The following COL15A1 variants were observed in gnomAD, a reference collection of about 807,000 sequenced individuals.
The protein encoded by COL15A1 is collagen alpha-1(XV) chain.
A neutral mutation model predicts 165.9 loss-of-function variants in COL15A1; 111 were observed. The observed-to-expected ratio is 0.67, with a 90% CI of 0.57 to 0.78. The LOEUF (loss-of-function observed/expected upper bound fraction) is 0.78, where lower values mean the gene tolerates loss of function less well. Among genes scored for constraint, COL15A1 ranks in the 30% least tolerant of loss-of-function variants. The pLI is 0.00. For synonymous variants in COL15A1, 659 were observed against 674.8 expected (o/e 0.98, Z 0.36); for missense variants, 1,745 against 1,789.7 (o/e 0.98, Z 0.45).
intron 36 of COL15A1, 142 bp from the exon 37 acceptor site, chr9:99,061,829 A>G (rs982845013): frequency 3.9e-6 from 3 of 774,022 alleles, no homozygotes; most frequent in Admixed American, 5.5e-5. Context: ...GAAGGTATAT[A>G]CCTCTATCTG....
intron 4 of COL15A1, among the ~76,000 whole-genome samples, chr9:98,987,911 C>T (rs1292701832): frequency 6.6e-6 from 1 of 152,088 alleles, no homozygotes; most frequent in Non-Finnish European, 1.5e-5. Context: ...ACTTCCATAC[C>T]CAAATACAGT....
In COL15A1 at chr9:98,985,614, G is replaced by A. The variant is rs764194365; in HGVS notation, c.150G>A (p.Pro50=). 17 of 1,614,066 alleles carry A rather than the reference G, an allele frequency of 1.1e-5. No homozygotes were observed. The highest frequency in any genetic ancestry group is 2.7e-5 in the African/African-American group (2 of 74,938). ...HLDLTQLIGV[P]LPSSVSFVTG... ...ACCTCACGCAGCTCATCGGTGTCCC[G>A]CTGCCCTCGTCCGTATCCTTTGTCA... is the stretch of plus-strand genomic sequence containing the variant. Residue 50 remains proline, a synonymous_variant, in exon 3 of 42, where the codon CCG becomes CCA. Transcript: ENST00000375001.
intron 28 of COL15A1, among the ~76,000 whole-genome samples, chr9:99,048,648 C>T (rs367973334): frequency 8.1e-4 from 123 of 151,432 alleles, no homozygotes; most frequent in South Asian, 3.3e-3. Flanking sequence ...CCCATTAACT[C>T]GTCATTTAGC....
intron 4 of COL15A1, among the ~76,000 whole-genome samples, chr9:98,987,981 A>C (rs1295376672): frequency 6.6e-6 from 1 of 151,950 alleles, no homozygotes; most frequent in Non-Finnish European, 1.5e-5. Flanking sequence ...CAACGTTGTC[A>C]GGTGGGAGCA....
rs757066128 is a variant in COL15A1, at chr9:99,015,448, C to T, written c.1385C>T (p.Ala462Val). 9 of 1,607,856 alleles carry T rather than the reference C, an allele frequency of 5.6e-6. 1 individual carries two copies. In the African/African-American group the frequency reaches 6.7e-5, roughly 12 times the overall value. Reference protein sequence around the residue: ...GPSSEDSLTTAAAATEVSLST... With the variant: ...GPSSEDSLTTVAAATEVSLST... ...AGCAGTGAAGACAGTTTAACAACAG[C>T]TGCAGCTGCAACCGAAGTGTCCCTC... Residue 462 changes from alanine (A) to valine (V), a missense_variant, in exon 10 of 42, where the codon GCT (alanine) becomes GTT (valine). Physicochemically the swap from Ala to Val is moderately conservative, Grantham distance 64 (BLOSUM62 0). Coordinates refer to ENST00000375001, the MANE Select transcript of COL15A1 (RefSeq NM_001855.5).
intron 9 of COL15A1, among the ~76,000 whole-genome samples, chr9:99,005,822 C>T (rs1838753750): frequency 6.6e-6 from 1 of 152,156 alleles, no homozygotes; most frequent in African/African-American, 2.4e-5. Context: ...TGTCTGGCCT[C>T]CTCCATCCTC....
intron 4 of COL15A1, 97 bp from the exon 5 acceptor site, chr9:98,989,081 G>A (rs1166790934): frequency 9.8e-6 from 8 of 814,938 alleles, no homozygotes; most frequent in Middle Eastern, 3.0e-4. Flanking sequence ...CCCTGTAGGA[G>A]AGTCGGTTTG....
At chr9:99,050,273 A>C (rs972589544) in intron 30 of COL15A1, among the ~76,000 whole-genome samples, 3 of 152,238 alleles carry the variant, frequency 2.0e-5, no homozygotes, top group African/African-American at 7.2e-5. Context: ...AGAACTTTGT[A>C]ACTAACTATG....
chr9:99,043,784 C>T (rs1419756132), intron 24 of COL15A1, among the ~76,000 whole-genome samples: 1 of 152,186 alleles, frequency 6.6e-6, no homozygotes, highest in Non-Finnish European at 1.5e-5. Flanking sequence ...GGGCCAAAGC[C>T]TCAGAGTCAG....
intron 23 of COL15A1, chr9:99,040,767 C>T (rs1012144244): frequency 2.3e-5 from 18 of 778,812 alleles, no homozygotes; most frequent in Admixed American, 8.4e-5. Flanking sequence ...AATCCATCTG[C>T]GTCAGCCTCC....
chr9:98,948,246 T>C (rs936165576), intron 2 of COL15A1, among the ~76,000 whole-genome samples: 1 of 152,124 alleles, frequency 6.6e-6, no homozygotes, highest in African/African-American at 2.4e-5. Flanking sequence ...TCTTCTCATC[T>C]ACCATGCAGA....
At chr9:98,978,155 G>A (rs532871343) in intron 2 of COL15A1, among the ~76,000 whole-genome samples, 6 of 152,330 alleles carry the variant, frequency 3.9e-5, no homozygotes, top group African/African-American at 7.2e-5. Context: ...TAGAAAACAA[G>A]GATGTTGGAT....
chr9:99,050,841 A>G, intron 30 of COL15A1, among the ~76,000 whole-genome samples: 1 of 152,186 alleles, frequency 6.6e-6, no homozygotes, highest in East Asian at 1.9e-4. Flanking sequence ...TAGCCTTCAA[A>G]ATGACGCAGT....
chr9:99,047,909 G>A, intron 27 of COL15A1, 32 bp from the exon 28 acceptor site: 1 of 1,609,780 alleles, frequency 6.2e-7, no homozygotes, highest in East Asian at 2.2e-5. Flanking sequence ...TGTGGGCGGA[G>A]GGTTTACTGA....
intron 2 of COL15A1, among the ~76,000 whole-genome samples, chr9:98,968,867 T>C (rs1837998258): frequency 6.6e-6 from 1 of 152,220 alleles, no homozygotes; most frequent in Admixed American, 6.5e-5. Flanking sequence ...CTGCACTTTA[T>C]TCAAGACAAC....
chr9:99,026,083 C>G, intron 16 of COL15A1, 117 bp downstream of exon 16: 2 of 901,482 alleles, frequency 2.2e-6, no homozygotes, highest in Non-Finnish European at 3.3e-6. Context: ...CTCCTGAAAT[C>G]CCCTGCTGGC....
intron 2 of COL15A1, among the ~76,000 whole-genome samples, chr9:98,950,936 G>T (rs555456195): frequency 4.6e-5 from 7 of 152,192 alleles, no homozygotes; most frequent in Admixed American, 1.3e-4. Context: ...ATGACGTTGC[G>T]CATTTTTTCA....
At chr9:99,048,632 G>A (rs1428119698) in intron 28 of COL15A1, among the ~76,000 whole-genome samples, 9 of 151,754 alleles carry the variant, frequency 5.9e-5, no homozygotes, top group African/African-American at 1.2e-4. Flanking sequence ...ATTTTGGTGT[G>A]CTGCACCCAT....
In COL15A1 at chr9:99,038,690, G is replaced by A. The variant is rs2119061903; in HGVS notation, c.2432G>A (p.Gly811Glu). The A allele has an allele frequency of 6.2e-7, 1 of 1,609,530 alleles. No individual in the cohort carries two copies. Among genetic ancestry groups the A allele is most frequent in the South Asian group, 1.1e-5 (1 of 90,900 alleles). ...CAGTCCTTGATCAATATCACCCATG[G>A]ATTCATGAATTTCTCGGACATTCCT... ...LSNSLINITH[G>E]FMNFSDIPEL... The change falls in exon 22 of 42, where the codon GGA becomes GAA. Residue 811 changes from glycine to glutamate, a missense_variant. Transcript: ENST00000375001.
Sources: allele counts gnomAD v4.1 joint callset (sites outside exome capture counted in the v4.1 genomes callset), GRCh38; gene constraint gnomAD v4.1.1; transcripts MANE v1.5; gene names NCBI Gene and HGNC (gene_info 2026-07-23, HGNC 2026-07-21).